KIAA1217: variants seen among roughly 807,000 people sequenced by gnomAD.
KIAA1217 encodes KIAA1217.
KIAA1217 carries 88 observed loss-of-function variants against 163.9 expected under a neutral mutation model. That is an observed-to-expected ratio of 0.54 (90% CI 0.45 to 0.64). The LOEUF (loss-of-function observed/expected upper bound fraction) is 0.64. KIAA1217 is among the 30% of genes least tolerant of loss of function. The probability of loss-of-function intolerance (pLI) is 0.00; values close to 1 mark genes in which losing one functional copy is unlikely to be tolerated. For synonymous variants in KIAA1217, 903 were observed against 923.1 expected (o/e 0.98, Z 0.39); for missense variants, 2,372 against 2,475.0 (o/e 0.96, Z 0.88).
intron 1 of KIAA1217, among the ~76,000 whole-genome samples, chr10:23,855,956 A>G (rs1309285385): frequency 1.3e-5 from 2 of 151,922 alleles, no homozygotes; most frequent in Non-Finnish European, 2.9e-5. Flanking sequence ...TTTGGTTTGA[A>G]TTTTCTCCTG....
intron 1 of KIAA1217, among the ~76,000 whole-genome samples, chr10:23,789,962 CATATACAT>C (rs1303392149): frequency 2.6e-4 from 34 of 129,876 alleles, no homozygotes; most frequent in South Asian, 9.2e-4. Context: ...TATATATACA[CATATACAT>C]ATACATATAT....
intron 2 of KIAA1217, among the ~76,000 whole-genome samples, chr10:24,237,168 T>C (rs989130865): frequency 1.3e-5 from 2 of 152,194 alleles, no homozygotes; most frequent in Non-Finnish European, 2.9e-5. Context: ...GAGATGTTTT[T>C]CTCATTCAGG....
chr10:23,927,956 C>T (rs1843096428), intron 1 of KIAA1217, among the ~76,000 whole-genome samples: 1 of 152,198 alleles, frequency 6.6e-6, no homozygotes, highest in Admixed American at 6.5e-5. Flanking sequence ...CACTGAAGGA[C>T]TTGTGCTGTT....
intron 5 of KIAA1217, among the ~76,000 whole-genome samples, chr10:24,469,269 C>A (rs558632197): frequency 2.0e-5 from 3 of 151,490 alleles, no homozygotes; most frequent in East Asian, 3.9e-4. Flanking sequence ...GGATTACAGG[C>A]GCATGCACTG....
chr10:23,737,819 T>C (rs1838897851), intron 1 of KIAA1217, among the ~76,000 whole-genome samples: 1 of 152,292 alleles, frequency 6.6e-6, no homozygotes, highest in South Asian at 2.1e-4. Flanking sequence ...TTGACAGTTA[T>C]TTTCTACTAA....
intron 2 of KIAA1217, among the ~76,000 whole-genome samples, chr10:24,070,538 A>T (rs551058355): frequency 6.6e-6 from 1 of 152,258 alleles, no homozygotes; most frequent in African/African-American, 2.4e-5. Flanking sequence ...ATTCATTAAT[A>T]TATAATCAGT....
intron 4 of KIAA1217, among the ~76,000 whole-genome samples, chr10:24,434,405 A>G (rs959516630): frequency 6.6e-6 from 1 of 152,052 alleles, no homozygotes; most frequent in Non-Finnish European, 1.5e-5. Flanking sequence ...TGGCATGATC[A>G]TGTCTCAGTG....
At chr10:24,259,379 G>A (rs769046643) in intron 2 of KIAA1217, among the ~76,000 whole-genome samples, 7 of 152,276 alleles carry the variant, frequency 4.6e-5, no homozygotes, top group Non-Finnish European at 8.8e-5. Flanking sequence ...TTGGGAGGCT[G>A]AGACAGGAGG....
At chr10:24,087,394 G>A (rs1177968758) in intron 2 of KIAA1217, among the ~76,000 whole-genome samples, 3 of 151,934 alleles carry the variant, frequency 2.0e-5, no homozygotes, top group Non-Finnish European at 4.4e-5. Context: ...CCATATGTAC[G>A]GTGTCATTGG....
intron 2 of KIAA1217, among the ~76,000 whole-genome samples, chr10:24,239,923 A>G (rs1399908553): frequency 2.0e-5 from 3 of 152,178 alleles, no homozygotes; most frequent in Non-Finnish European, 4.4e-5. Flanking sequence ...AACAGTCCTG[A>G]TAGAGACATC....
At chr10:24,307,280 T>A (rs75669347) in intron 2 of KIAA1217, among the ~76,000 whole-genome samples, 1 of 152,316 alleles carries the variant, frequency 6.6e-6, no homozygotes, top group East Asian at 1.9e-4. Flanking sequence ...AGAGCTCTTA[T>A]GTTATAAAGC....
At chr10:23,811,729 A>C (rs1837065469) in intron 1 of KIAA1217, among the ~76,000 whole-genome samples, 1 of 151,810 alleles carries the variant, frequency 6.6e-6, no homozygotes, top group African/African-American at 2.4e-5. Context: ...TGCTAGAGAC[A>C]CTCAAGAGGT....
chr10:23,809,384 G>A (rs1163548919), intron 1 of KIAA1217, among the ~76,000 whole-genome samples: 1 of 151,880 alleles, frequency 6.6e-6, no homozygotes, highest in Non-Finnish European at 1.5e-5. Context: ...GATTCCATGT[G>A]AAACTTTAAG....
At chr10:24,440,106 C>T (rs1009248086) in intron 5 of KIAA1217, among the ~76,000 whole-genome samples, 2 of 152,162 alleles carry the variant, frequency 1.3e-5, no homozygotes, top group Non-Finnish European at 2.9e-5. Context: ...AGGCCTCTCA[C>T]GTACTCAACT....
At chr10:24,442,499 A>G (rs2060576527) in intron 5 of KIAA1217, among the ~76,000 whole-genome samples, 1 of 152,084 alleles carries the variant, frequency 6.6e-6, no homozygotes, top group Admixed American at 6.5e-5. Flanking sequence ...CAAGACCCAA[A>G]TGTTCAGCTT....
At chr10:23,940,491 A>T (rs932261199) in intron 1 of KIAA1217, among the ~76,000 whole-genome samples, 3 of 151,424 alleles carry the variant, frequency 2.0e-5, no homozygotes, top group Non-Finnish European at 2.9e-5. Context: ...AAAAGAAAAA[A>T]GAAAAAAAGA....
chr10:24,477,139 G>A (rs1202261345), intron 6 of KIAA1217, among the ~76,000 whole-genome samples: 1 of 152,174 alleles, frequency 6.6e-6, no homozygotes, highest in Non-Finnish European at 1.5e-5. Flanking sequence ...TCAGAATCTG[G>A]CCCTGAACTC....
chr10:23,717,918 T>C (rs952364348), intron 1 of KIAA1217, among the ~76,000 whole-genome samples: 1 of 152,198 alleles, frequency 6.6e-6, no homozygotes, highest in Non-Finnish European at 1.5e-5. Context: ...CATAAAACAT[T>C]ATACACACAT....
intron 2 of KIAA1217, among the ~76,000 whole-genome samples, chr10:24,322,577 G>A (rs531162179): frequency 6.6e-6 from 1 of 152,058 alleles, no homozygotes; most frequent in Admixed American, 6.6e-5. Context: ...GGCCAGAGAG[G>A]TCTTTAAATT....
Sources: allele counts gnomAD v4.1 joint callset (sites outside exome capture counted in the v4.1 genomes callset), GRCh38; gene constraint gnomAD v4.1.1; transcripts MANE v1.5; gene names NCBI Gene and HGNC (gene_info 2026-07-23, HGNC 2026-07-21).